SLC5A4: variants seen among roughly 807,000 people sequenced by gnomAD.
The protein encoded by SLC5A4 is probable glucose sensor protein SLC5A4.
In SLC5A4, 55 loss-of-function variants were observed where a neutral mutation model predicts 70.3. That is an observed-to-expected ratio of 0.78 (90% CI 0.63 to 0.98). SLC5A4 has a LOEUF of 0.98. Ranked by LOEUF, SLC5A4 falls within the 50% of genes least tolerant of loss-of-function variation. The pLI is 0.00. For synonymous variants in SLC5A4, 268 were observed against 305.7 expected, an observed-to-expected ratio of 0.88 and a Z score of 1.29; for missense variants, 735 against 839.2, an observed-to-expected ratio of 0.88 and a Z score of 1.53.
the SLC5A4 span, among the ~76,000 whole-genome samples, chr22:32,343,494 T>C: frequency 1.3e-5 from 2 of 152,172 alleles, no homozygotes; most frequent in Admixed American, 6.5e-5. Context: ...TGGAGAAAAG[T>C]AGGGTTGCTG....
chr22:32,229,442 G>T, intron 10 of SLC5A4, 98 bp from the exon 11 acceptor site: 1 of 1,271,940 alleles, frequency 7.9e-7, no homozygotes, highest in Non-Finnish European at 1.1e-6. Flanking sequence ...CTGGAACATA[G>T]GTTAACTGAT....
chr22:32,272,000 C>T, the SLC5A4 span: 5 of 616,738 alleles, frequency 8.1e-6, no homozygotes, highest in Admixed American at 2.4e-5. Flanking sequence ...AGTGCATCCA[C>T]CCCCAGGAGG....
chr22:32,229,217 C>T lies in SLC5A4; in HGVS notation c.1257G>A (p.Glu419=), dbSNP rs1424081870. 6.2e-7 allele frequency: 1 copy of T among 1,614,122 alleles called. No homozygotes were observed. The highest frequency in any genetic ancestry group is 8.5e-7 in the Non-Finnish European group (1 of 1,179,982). ...ACCGTCCAGCTATCAGGAGCTCTTTCTCCGACGCTTGCTTCCGCATCTTGG... is the reference window on the plus strand; with the variant it reads ...ACCGTCCAGCTATCAGGAGCTCTTTTTCCGACGCTTGCTTCCGCATCTTGG... ...LYTKMRKQAS[E]KELLIAGRIF... Residue 419 remains glutamate (E), a synonymous_variant, in exon 11 of 15, where the codon GAG becomes GAA. Coordinates refer to ENST00000266086, the MANE Select transcript of SLC5A4 (RefSeq NM_014227.3).
the SLC5A4 span, among the ~76,000 whole-genome samples, chr22:32,302,992 AGT>A: frequency 6.6e-6 from 1 of 152,024 alleles, no homozygotes; most frequent in African/African-American, 2.4e-5. Context: ...TTCCTTCAGC[AGT>A]GTTTTCTCTT....
At chr22:32,337,877 A>C in the SLC5A4 span, among the ~76,000 whole-genome samples, 1 of 152,034 alleles carries the variant, frequency 6.6e-6, no homozygotes, top group Non-Finnish European at 1.5e-5. Context: ...TAGCAAAAGA[A>C]CTAAGAAGTG....
the SLC5A4 span, among the ~76,000 whole-genome samples, chr22:32,291,068 G>A: frequency 6.6e-6 from 1 of 151,974 alleles, no homozygotes; most frequent in African/African-American, 2.4e-5. Flanking sequence ...AGTTTTGCCA[G>A]GGATTTATCA....
At chr22:32,283,024 C>G in the SLC5A4 span, among the ~76,000 whole-genome samples, 1 of 152,188 alleles carries the variant, frequency 6.6e-6, no homozygotes, top group African/African-American at 2.4e-5. Flanking sequence ...CCTTGCCGAG[C>G]CTCCTCCTTT....
At chr22:32,320,469 A>T in the SLC5A4 span, among the ~76,000 whole-genome samples, 1 of 152,242 alleles carries the variant, frequency 6.6e-6, no homozygotes, top group Non-Finnish European at 1.5e-5. Flanking sequence ...CTCCATCAGC[A>T]GGATGCCAGG....
At chr22:32,344,859 C>T in the SLC5A4 span, among the ~76,000 whole-genome samples, 1 of 152,112 alleles carries the variant, frequency 6.6e-6, no homozygotes, top group Non-Finnish European at 1.5e-5. Context: ...TACCCTGTAT[C>T]TGCACTGCTT....
the SLC5A4 span, among the ~76,000 whole-genome samples, chr22:32,319,717 C>A: frequency 4.1e-4 from 63 of 152,344 alleles, no homozygotes; most frequent in African/African-American, 1.5e-3. Flanking sequence ...TCCTTTAAGT[C>A]ACCTTTTTAG....
the SLC5A4 span, chr22:32,271,269 T>C: frequency 2.6e-6 from 2 of 766,040 alleles, no homozygotes; most frequent in African/African-American, 1.7e-5. Context: ...ACAGCTCCTT[T>C]GGAGAGCCCA....
chr22:32,306,281 C>T, the SLC5A4 span, among the ~76,000 whole-genome samples: 173 of 151,192 alleles, frequency 1.1e-3, 1 homozygote, highest in African/African-American at 4.0e-3. Context: ...CTAGCTAACA[C>T]GGTGAAACCC....
At chr22:32,229,085 C>T (rs2123883045) in intron 11 of SLC5A4, 109 bp downstream of exon 11, 2 of 1,025,460 alleles carry the variant, frequency 2.0e-6, no homozygotes, top group Non-Finnish European at 2.9e-6. Flanking sequence ...CTTCCCTCTA[C>T]CCAGATGCTA....
chr22:32,328,194 T>C, the SLC5A4 span, among the ~76,000 whole-genome samples: 12 of 152,170 alleles, frequency 7.9e-5, no homozygotes, highest in East Asian at 1.9e-3. Context: ...TTCCCCCATC[T>C]GTAAAATGTG....
intron 11 of SLC5A4, among the ~76,000 whole-genome samples, chr22:32,227,224 G>T (rs1287309035): frequency 6.6e-6 from 1 of 152,132 alleles, no homozygotes; most frequent in Admixed American, 6.5e-5. Flanking sequence ...GAGGGGAAAA[G>T]AAAAAGTTAT....
the SLC5A4 span, among the ~76,000 whole-genome samples, chr22:32,277,800 G>A: frequency 1.1e-4 from 17 of 152,228 alleles, no homozygotes; most frequent in Admixed American, 9.8e-4. Context: ...TGCCCGCCTC[G>A]GCCTCCCAAA....
chr22:32,288,103 G>A, the SLC5A4 span, among the ~76,000 whole-genome samples: 18 of 151,302 alleles, frequency 1.2e-4, no homozygotes, highest in African/African-American at 4.1e-4. Context: ...ACCTGCCTTG[G>A]TCTCCCAAAG....
chr22:32,315,874 A>T, the SLC5A4 span, among the ~76,000 whole-genome samples: 26 of 151,906 alleles, frequency 1.7e-4, no homozygotes, highest in South Asian at 5.0e-3. Flanking sequence ...GTTTCATAGA[A>T]AAGGATGGGC....
the SLC5A4 span, among the ~76,000 whole-genome samples, chr22:32,297,101 T>G: frequency 7.2e-5 from 11 of 152,008 alleles, no homozygotes; most frequent in Non-Finnish European, 8.8e-5. Flanking sequence ...TCAAGGATAT[T>G]GGTCTAAAAT....
Sources: allele counts gnomAD v4.1 joint callset (sites outside exome capture counted in the v4.1 genomes callset), GRCh38; gene constraint gnomAD v4.1.1; transcripts MANE v1.5; gene names NCBI Gene and HGNC (gene_info 2026-07-23, HGNC 2026-07-21).